Variants in FYB1 observed in about 807,000 individuals in gnomAD.
FYB1 encodes FYN-binding protein 1.
Under a neutral mutation model 94.1 loss-of-function variants are expected in FYB1, and 41 were observed. The ratio of observed to expected loss-of-function variants is 0.44; its 90% CI spans 0.34 to 0.57. The LOEUF is 0.57. Ranked by LOEUF, FYB1 falls within the 20% of genes least tolerant of loss-of-function variation. The probability of loss-of-function intolerance (pLI) is 0.02; values close to 1 mark genes in which losing one functional copy is unlikely to be tolerated. For synonymous variants in FYB1, 367 were observed against 353.2 expected (o/e 1.04, Z -0.44); for missense variants, 1,050 against 976.8 (o/e 1.07, Z -1.00).
chr5:39,250,493 T>G (rs1415666838), intron 1 of FYB1, among the ~76,000 whole-genome samples: 6 of 152,208 alleles, frequency 3.9e-5, no homozygotes. Context: ...GAATAGATTT[T>G]GTCAAACAAA....
At chr5:39,160,407 T>C (rs559985527) in intron 2 of FYB1, among the ~76,000 whole-genome samples, 1 of 152,342 alleles carries the variant, frequency 6.6e-6, no homozygotes, top group South Asian at 2.1e-4. Flanking sequence ...ATCCTAGATT[T>C]GTTCGAGAAT....
At chr5:39,263,713 C>T (rs1420450965) in intron 1 of FYB1, among the ~76,000 whole-genome samples, 1 of 152,118 alleles carries the variant, frequency 6.6e-6, no homozygotes, top group Admixed American at 6.5e-5. Context: ...ACCTGTTCCC[C>T]TCAGAAATTC....
At chr5:39,197,253 A>G (rs1396846989) in intron 2 of FYB1, among the ~76,000 whole-genome samples, 1 of 152,240 alleles carries the variant, frequency 6.6e-6, no homozygotes, top group East Asian at 1.9e-4. Flanking sequence ...AATCTTAGTG[A>G]ATAAATATTT....
chr5:39,165,307 A>T (rs1312603062), intron 2 of FYB1, among the ~76,000 whole-genome samples: 1 of 152,208 alleles, frequency 6.6e-6, no homozygotes, highest in Non-Finnish European at 1.5e-5. Context: ...GGTCAATGGA[A>T]TGGAATAGAG....
At chr5:39,117,820 C>T (rs369614939) in intron 16 of FYB1, among the ~76,000 whole-genome samples, 4 of 152,104 alleles carry the variant, frequency 2.6e-5, no homozygotes, top group Non-Finnish European at 5.9e-5. Context: ...TTACTCTTCT[C>T]GGGATTTAAA....
chr5:39,127,844 T>C (rs947292812), intron 10 of FYB1, 37 bp from the exon 11 acceptor site: 27 of 1,565,704 alleles, frequency 1.7e-5, no homozygotes, highest in Non-Finnish European at 2.2e-5. Flanking sequence ...CTGTTAATTT[T>C]ATAATTTGGC....
At chr5:39,184,056 A>C (rs907135919) in intron 2 of FYB1, among the ~76,000 whole-genome samples, 1 of 152,234 alleles carries the variant, frequency 6.6e-6, no homozygotes, top group Non-Finnish European at 1.5e-5. Flanking sequence ...CCAGTATTAT[A>C]TTACTATTTA....
intron 8 of FYB1, 75 bp downstream of exon 8, chr5:39,134,780 T>G: frequency 6.6e-7 from 1 of 1,513,096 alleles, no homozygotes; most frequent in Non-Finnish European, 9.1e-7. Context: ...CTATGACGAG[T>G]TCTGGAGGAA....
intron 1 of FYB1, among the ~76,000 whole-genome samples, chr5:39,262,310 A>C (rs947805541): frequency 1.3e-5 from 2 of 152,226 alleles, no homozygotes; most frequent in African/African-American, 4.8e-5. Flanking sequence ...CACGAAAAAA[A>C]AATCTATAAA....
chr5:39,138,729 A>G (rs763574529), intron 5 of FYB1, 38 bp from the exon 6 acceptor site: 1 of 1,245,112 alleles, frequency 8.0e-7, no homozygotes, highest in Admixed American at 2.0e-5. Context: ...AATTTTTATT[A>G]TTTAAAAAGT....
At chr5:39,256,977 C>T (rs904117482) in intron 1 of FYB1, among the ~76,000 whole-genome samples, 1 of 152,164 alleles carries the variant, frequency 6.6e-6, no homozygotes, top group Admixed American at 6.5e-5. Context: ...TTCAGCCTCC[C>T]AAACATCTGT....
At chr5:39,112,803 G>C (rs183633124) in intron 16 of FYB1, among the ~76,000 whole-genome samples, 2 of 152,066 alleles carry the variant, frequency 1.3e-5, no homozygotes, top group Non-Finnish European at 2.9e-5. Flanking sequence ...TCCTATATCT[G>C]TGTGTTCAAG....
chr5:39,126,192 T>C, intron 11 of FYB1, 57 bp from the exon 12 acceptor site: 25 of 1,565,218 alleles, frequency 1.6e-5, no homozygotes, highest in Non-Finnish European at 2.2e-5. Flanking sequence ...GTGAAGACAT[T>C]GTGTGGACAT....
At chr5:39,259,040 G>A (rs988772677) in intron 1 of FYB1, among the ~76,000 whole-genome samples, 4 of 152,168 alleles carry the variant, frequency 2.6e-5, no homozygotes, top group African/African-American at 7.2e-5. Context: ...GTATAAACCA[G>A]TGATTCTCAA....
At chr5:39,182,884 T>C (rs922474322) in intron 2 of FYB1, among the ~76,000 whole-genome samples, 5 of 152,324 alleles carry the variant, frequency 3.3e-5, no homozygotes, top group African/African-American at 1.2e-4. Context: ...AAATTCATTA[T>C]CCTCCAAAGT....
chr5:39,230,974 C>A (rs1449241509), intron 1 of FYB1, among the ~76,000 whole-genome samples: 3 of 151,424 alleles, frequency 2.0e-5, no homozygotes, highest in Non-Finnish European at 4.4e-5. Flanking sequence ...TAATCTTGTG[C>A]AAATATCTTT....
At chr5:39,203,637 T>C (rs1247598271) in intron 1 of FYB1, among the ~76,000 whole-genome samples, 1 of 152,206 alleles carries the variant, frequency 6.6e-6, no homozygotes, top group East Asian at 1.9e-4. Context: ...GATTCACCTG[T>C]ATCCATACTA....
chr5:39,144,112 G>C (rs1442702246), intron 3 of FYB1, among the ~76,000 whole-genome samples: 1 of 152,180 alleles, frequency 6.6e-6, no homozygotes, highest in African/African-American at 2.4e-5. Flanking sequence ...ATATTTAAGA[G>C]ATTTGTTACA....
rs1738602875 is a variant in FYB1, at chr5:39,107,182, C to T, written c.*261G>A. 1 of 270,608 alleles carries T rather than the reference C, an allele frequency of 3.7e-6. No homozygotes were observed. Among genetic ancestry groups the T allele is most frequent in the South Asian group, 1.7e-4 (1 of 6,028 alleles). 16.8% of individuals were successfully genotyped at this position (270,608 alleles called of 1,614,324 possible). A position where few individuals can be genotyped will look rare whatever the true frequency, so the allele number is the denominator to read the frequency against. ...CTAAAAGAAGTACCTTCAACTTCTT[C>T]ATAATTGTAGCCAAAGCGGAAATGG... On this transcript the variant is annotated 3_prime_UTR_variant, in exon 19 of 19. Coordinates refer to ENST00000512982, the MANE Select transcript of FYB1 (RefSeq NM_001465.6).
Sources: allele counts gnomAD v4.1 joint callset (sites outside exome capture counted in the v4.1 genomes callset), GRCh38; gene constraint gnomAD v4.1.1; transcripts MANE v1.5; gene names NCBI Gene and HGNC (gene_info 2026-07-23, HGNC 2026-07-21).